RASA3: variants seen among roughly 807,000 people sequenced by gnomAD.
RASA3 encodes ras GTPase-activating protein 3.
Under a neutral mutation model 110.0 loss-of-function variants are expected in RASA3, and 73 were observed. The observed-to-expected ratio is 0.66, with a 90% confidence interval of 0.55 to 0.81. The LOEUF (loss-of-function observed/expected upper bound fraction) is 0.81, where lower values mean the gene tolerates loss of function less well. Among genes scored for constraint, RASA3 ranks in the 30% least tolerant of loss-of-function variants. The pLI, the probability that RASA3 is intolerant of heterozygous loss-of-function variation, is 0.00. For synonymous variants in RASA3, 500 were observed against 451.4 expected (o/e 1.11, Z -1.37); for missense variants, 976 against 1,113.2 (o/e 0.88, Z 1.75).
At chr13:114,042,671 C>T (rs1221348358) in intron 3 of RASA3, among the ~76,000 whole-genome samples, 3 of 152,250 alleles carry the variant, frequency 2.0e-5, no homozygotes, top group Non-Finnish European at 4.4e-5. Context: ...AGCCCAGCCC[C>T]GGTTCTCTCT....
At chr13:113,990,597 G>A (rs977118879) in intron 22 of RASA3, among the ~76,000 whole-genome samples, 3 of 152,246 alleles carry the variant, frequency 2.0e-5, no homozygotes, top group African/African-American at 7.2e-5. Flanking sequence ...CTGAGGCCTT[G>A]TGCCATCTTC....
rs1005379689 is a variant in RASA3, at chr13:114,045,411, C to T, written c.278-4317G>A. On this transcript the variant is annotated intron_variant, in intron 3 of 23. Transcript: ENST00000334062. ...CGTTCAGAAAGGAGGAGCCAGGGGTCTGGAGGGCATCAGACGGGGGACCAG... is the reference window on the plus strand; with the variant it reads ...CGTTCAGAAAGGAGGAGCCAGGGGTTTGGAGGGCATCAGACGGGGGACCAG... 1.6e-4 allele frequency among the ~76,000 whole-genome samples: 25 copies of T among 152,142 alleles called. 1 individual carries two copies. Among genetic ancestry groups the T allele is most frequent in the Admixed American group, 7.2e-4 (11 of 15,272 alleles).
At chr13:114,037,553 C>T (rs1156385064) in intron 4 of RASA3, among the ~76,000 whole-genome samples, 1 of 152,010 alleles carries the variant, frequency 6.6e-6, no homozygotes, top group Admixed American at 6.6e-5. Flanking sequence ...ACGGAGGTTC[C>T]GTTTTGCAAG....
At chr13:114,033,154 G>A (rs1227565460) in intron 4 of RASA3, among the ~76,000 whole-genome samples, 17 of 61,302 alleles carry the variant, frequency 2.8e-4, no homozygotes, top group East Asian at 5.1e-4. Context: ...CACACCCCAC[G>A]GCACCCCCAC....
intron 8 of RASA3, among the ~76,000 whole-genome samples, chr13:114,021,852 C>T (rs1046293239): frequency 6.6e-6 from 1 of 151,456 alleles, no homozygotes; most frequent in Non-Finnish European, 1.5e-5. Flanking sequence ...GGAGCCTGGG[C>T]GTCGCTGCGT....
intron 21 of RASA3, among the ~76,000 whole-genome samples, chr13:113,995,741 C>G (rs890738730): frequency 8.3e-4 from 12 of 14,386 alleles, no homozygotes; most frequent in South Asian, 2.9e-3. Context: ...GCCCGGCTGA[C>G]GGGGGCCCGG....
chr13:114,071,904 ATTC>A (rs2079578531), intron 2 of RASA3, among the ~76,000 whole-genome samples: 1 of 152,192 alleles, frequency 6.6e-6, no homozygotes, highest in Non-Finnish European at 1.5e-5. Context: ...CAAGGATATA[ATTC>A]TTTAGCTAAA....
chr13:114,033,344 TGACA>T (rs1348282035), intron 4 of RASA3, among the ~76,000 whole-genome samples: 1 of 83,500 alleles, frequency 1.2e-5, no homozygotes, highest in African/African-American at 5.3e-5. Context: ...ACCCCCACAC[TGACA>T]CCACACCCCA....
intron 4 of RASA3, among the ~76,000 whole-genome samples, chr13:114,031,652 T>C (rs1346217441): frequency 1.3e-5 from 2 of 152,242 alleles, no homozygotes; most frequent in Non-Finnish European, 2.9e-5. Context: ...TGTGCGGCTA[T>C]GTGTGCCTAC....
intron 1 of RASA3, among the ~76,000 whole-genome samples, chr13:114,104,781 G>C (rs1172000801): frequency 6.6e-6 from 1 of 152,158 alleles, no homozygotes; most frequent in Non-Finnish European, 1.5e-5. Context: ...GCAGGCTGCA[G>C]TGCAGTGTCT....
intron 4 of RASA3, among the ~76,000 whole-genome samples, chr13:114,030,472 G>GAGAGCAAGA (rs1566501780): frequency 2.1e-4 from 17 of 82,494 alleles, no homozygotes; most frequent in African/African-American, 6.3e-4. Context: ...AGAGGGCAAG[G>GAGAGCAAGA]CTCACACAGA....
Position 114,112,147 on chromosome 13 carries a change from A to T in RASA3, c.55+20288T>A, listed in dbSNP as rs2080228705. ...GGGCACACCAGGCTAATTTTTAATC[A>T]GATGGATTTAGTGATAGCAAATAAA... On this transcript the variant is annotated intron_variant, in intron 1 of 23. Transcript: ENST00000334062. This position sits in a 1 kb window ranked among gnomAD's most constrained non-coding sequence, Gnocchi z 4.8. 6.8e-6 allele frequency among the ~76,000 whole-genome samples: 1 copy of T among 146,206 alleles called. No homozygotes were observed. Among genetic ancestry groups the T allele is most frequent in the Non-Finnish European group, 1.5e-5 (1 of 65,144 alleles).
intron 2 of RASA3, among the ~76,000 whole-genome samples, chr13:114,070,754 T>G (rs9562222): frequency 2.8e-3 from 224 of 78,738 alleles, no homozygotes; most frequent in African/African-American, 0.011. Context: ...GCTAAACGGC[T>G]CCACAGTCTT....
chr13:113,980,020 G>C (rs1358068466), intron 23 of RASA3, among the ~76,000 whole-genome samples: 7 of 135,780 alleles, frequency 5.2e-5, no homozygotes, highest in African/African-American at 2.0e-4. Context: ...CACCTCCCAC[G>C]TGTGCACCTG....
intron 3 of RASA3, among the ~76,000 whole-genome samples, chr13:114,042,736 A>G (rs897831967): frequency 3.9e-4 from 59 of 152,174 alleles, no homozygotes; most frequent in African/African-American, 1.2e-3. Flanking sequence ...GCAGGCTCCC[A>G]TCGGAACAAC....
intron 20 of RASA3, among the ~76,000 whole-genome samples, chr13:113,998,649 G>A (rs1015716669): frequency 6.6e-6 from 1 of 152,332 alleles, no homozygotes; most frequent in Admixed American, 6.5e-5. Flanking sequence ...CAATGGTGAC[G>A]CCACGGACAC....
intron 8 of RASA3, among the ~76,000 whole-genome samples, chr13:114,022,319 C>T (rs944989714): frequency 3.3e-5 from 5 of 152,176 alleles, no homozygotes; most frequent in African/African-American, 1.2e-4. Context: ...TACAGCATCC[C>T]CGGCTGCAAC....
At chr13:114,047,613 G>A (rs1193341246) in intron 3 of RASA3, among the ~76,000 whole-genome samples, 2 of 152,258 alleles carry the variant, frequency 1.3e-5, no homozygotes, top group Admixed American at 1.3e-4. Context: ...AATGTTTACG[G>A]TGACTTTATT....
chr13:113,981,589 C>T, intron 23 of RASA3, 86 bp downstream of exon 23: 5 of 1,485,952 alleles, frequency 3.4e-6, no homozygotes, highest in Non-Finnish European at 4.6e-6. Flanking sequence ...GCGGCCCCAC[C>T]CGGGAGCTCC....
Sources: gnomAD v4.1 joint callset for allele counts (sites outside exome capture counted in the v4.1 genomes callset) on GRCh38, gnomAD v4.1.1 for gene constraint, Gnocchi (gnomAD v3.1) non-coding constraint, MANE v1.5 for transcripts, NCBI Gene and HGNC (gene_info 2026-07-23, HGNC 2026-07-21) for gene names.